The following MYO1H variants were observed in gnomAD, a reference collection of about 807,000 sequenced individuals.
MYO1H encodes the protein myosin IH.
A neutral mutation model predicts 149.3 loss-of-function variants in MYO1H; 118 were observed. That is an observed-to-expected ratio of 0.79 (90% confidence interval 0.68 to 0.92). The LOEUF (loss-of-function observed/expected upper bound fraction) is 0.92. Among genes scored for constraint, MYO1H ranks in the 40% least tolerant of loss-of-function variants. MYO1H has a pLI of 0.00. For synonymous variants in MYO1H, 447 were observed against 465.2 expected (o/e 0.96, Z 0.50); for missense variants, 1,212 against 1,280.7 (o/e 0.95, Z 0.82).
intron 19 of MYO1H, among the ~76,000 whole-genome samples, chr12:109,427,909 A>AATATATATATATATATATATATAT (rs1555254297): frequency 6.7e-4 from 11 of 16,404 alleles, no homozygotes; most frequent in African/African-American, 9.3e-4. Flanking sequence ...AAAAAAAAAA[A>AATATATATATATATATATATATAT]ATATATATAT....
intron 8 of MYO1H, 33 bp downstream of exon 8, chr12:109,406,068 G>C: frequency 6.7e-7 from 1 of 1,496,466 alleles, no homozygotes; most frequent in Non-Finnish European, 9.3e-7. Context: ...GACAGAAGGA[G>C]GGGGATGGGT....
At chr12:109,318,248 A>G in the MYO1H span, among the ~76,000 whole-genome samples, 3 of 152,218 alleles carry the variant, frequency 2.0e-5, no homozygotes, top group African/African-American at 7.2e-5. Flanking sequence ...CATATTTCTT[A>G]TGCTACATTA....
At chr12:109,346,633 T>G (rs922619184), upstream of MYO1H, among the ~76,000 whole-genome samples, 1 of 151,002 alleles carries the variant, frequency 6.6e-6, no homozygotes, top group African/African-American at 2.4e-5. Context: ...TTGTGGCGGG[T>G]GCCTTGTAAT....
At chr12:109,436,741 G>C (rs1314839087) in intron 22 of MYO1H, among the ~76,000 whole-genome samples, 185 bp downstream of exon 22, 1 of 152,014 alleles carries the variant, frequency 6.6e-6, no homozygotes, top group African/African-American at 2.4e-5. Flanking sequence ...ATAGTGGCCT[G>C]TATGTGTTCC....
chr12:109,447,031 G>A, intron 31 of MYO1H, 128 bp from the exon 32 acceptor site: 1 of 881,392 alleles, frequency 1.1e-6, no homozygotes, highest in Non-Finnish European at 1.9e-6. Context: ...TCTCATGGGA[G>A]GTGGCACTGG....
At chr12:109,447,435 A>C in exon 32 of MYO1H, 1 of 585,730 alleles carries the variant, frequency 1.7e-6, no homozygotes. Context: ...GCAATTCTAA[A>C]CACCCTCGAC....
At chr12:109,362,273 G>A (rs1240973915) in intron 1 of MYO1H, among the ~76,000 whole-genome samples, 1 of 152,202 alleles carries the variant, frequency 6.6e-6, no homozygotes, top group African/African-American at 2.4e-5. Flanking sequence ...TGTATTGAAA[G>A]GACATCTTTC....
At chr12:109,379,796 A>G (rs1410283837) in intron 1 of MYO1H, among the ~76,000 whole-genome samples, 1 of 143,174 alleles carries the variant, frequency 7.0e-6, no homozygotes, top group Non-Finnish European at 1.5e-5. Context: ...GCAGTGGAGC[A>G]ATCTCAGCTC....
At chr12:109,353,713 A>C (rs1592777188) in intron 1 of MYO1H, among the ~76,000 whole-genome samples, 1 of 152,084 alleles carries the variant, frequency 6.6e-6, no homozygotes, top group African/African-American at 2.4e-5. Context: ...GTGCAGTGGC[A>C]CCATCTCGGC....
chr12:109,438,419 C>A, intron 22 of MYO1H, 117 bp from the exon 23 acceptor site: 4 of 756,960 alleles, frequency 5.3e-6, no homozygotes, highest in Non-Finnish European at 6.8e-6. Flanking sequence ...CTGAGGCTAA[C>A]AGAGTGCTGC....
At position 109,439,535 on chromosome 12, in the gene MYO1H, C is replaced by T. The variant is rs527979519; in HGVS notation, c.2295-96C>T. 28 of 1,006,098 alleles carry T rather than the reference C, an allele frequency of 2.8e-5. No homozygotes were observed. The East Asian group carries it at 3.2e-4, about 11-fold the overall frequency. The allele number at this position is 1,006,098 out of a possible 1,614,324, so 62.3% of individuals were successfully genotyped here. A position where few individuals can be genotyped will look rare whatever the true frequency, so the allele number is the denominator to read the frequency against. On this transcript the variant is annotated intron_variant, in intron 23 of 31. Transcript: ENST00000310903. ...TATGTGGTCATCTCCACAGCCTCTA[C>T]CACTTTGGCCGCCTCTGAATCAAAG...
chr12:109,432,419 G>A (rs911886501), intron 19 of MYO1H, among the ~76,000 whole-genome samples: 7 of 152,198 alleles, frequency 4.6e-5, no homozygotes, highest in East Asian at 3.9e-4. Context: ...CACCATACCC[G>A]GTCTCAAGCA....
intron 15 of MYO1H, 123 bp from the exon 16 acceptor site, chr12:109,420,858 G>A: frequency 2.9e-6 from 2 of 690,398 alleles, no homozygotes; most frequent in Non-Finnish European, 5.2e-6. Context: ...TGCCAAGGTT[G>A]AGAAACTATG....
At chr12:109,434,939 G>A (rs1173844323) in intron 20 of MYO1H, 98 bp from the exon 21 acceptor site, 1 of 668,176 alleles carries the variant, frequency 1.5e-6, no homozygotes, top group South Asian at 1.9e-5. Context: ...GGTATTCTGA[G>A]GTTCTGAGTG....
chr12:109,325,091 G>A, the MYO1H span, among the ~76,000 whole-genome samples: 28 of 152,276 alleles, frequency 1.8e-4, no homozygotes, highest in Admixed American at 3.3e-4. Context: ...TGGTGTATAT[G>A]TACCACATTT....
chr12:109,376,516 A>G (rs1452343283), intron 1 of MYO1H, among the ~76,000 whole-genome samples: 4 of 151,930 alleles, frequency 2.6e-5, no homozygotes, highest in Non-Finnish European at 4.4e-5. Flanking sequence ...TTTTGCACAC[A>G]CCTCCCAGTG....
At chr12:109,350,634 C>T (rs139388079) in intron 1 of MYO1H, among the ~76,000 whole-genome samples, 1 of 152,164 alleles carries the variant, frequency 6.6e-6, no homozygotes, top group Non-Finnish European at 1.5e-5. Flanking sequence ...ATAAAGCTCC[C>T]TGTCAGATAA....
chr12:109,392,418 C>G (rs897944517), intron 2 of MYO1H, among the ~76,000 whole-genome samples: 15 of 152,158 alleles, frequency 9.9e-5, no homozygotes, highest in Non-Finnish European at 2.1e-4. Flanking sequence ...GCTCAGGTGT[C>G]ACCTCCTTAA....
intron 31 of MYO1H, 180 bp downstream of exon 31, chr12:109,445,792 TC>T: frequency 4.1e-6 from 4 of 985,348 alleles, no homozygotes; most frequent in Non-Finnish European, 4.8e-6. Context: ...GATACACACA[TC>T]TAAACACTGA....
Sources: allele counts gnomAD v4.1 joint callset (sites outside exome capture counted in the v4.1 genomes callset), GRCh38; gene constraint gnomAD v4.1.1; transcripts MANE v1.5; gene names NCBI Gene and HGNC (gene_info 2026-07-23, HGNC 2026-07-21).